LAMA4: variants seen among roughly 807,000 people sequenced by gnomAD.
LAMA4 encodes the protein laminin subunit alpha 4.
LAMA4 carries 127 observed loss-of-function variants against 207.1 expected under a neutral mutation model. The ratio of observed to expected loss-of-function variants is 0.61; its 90% CI spans 0.53 to 0.71. LAMA4 has a LOEUF of 0.71. Ranked by LOEUF, LAMA4 falls within the 30% of genes least tolerant of loss-of-function variation. The pLI is 0.00. For missense variants in LAMA4, 2,093 were observed against 2,246.5 expected, an observed-to-expected ratio of 0.93 and a Z score of 1.38; for synonymous variants, 761 against 816.0, an observed-to-expected ratio of 0.93 and a Z score of 1.15.
intron 2 of LAMA4, among the ~76,000 whole-genome samples, chr6:112,250,505 T>C (rs1398839772): frequency 1.3e-5 from 2 of 152,178 alleles, no homozygotes; most frequent in African/African-American, 2.4e-5. Flanking sequence ...ATGACAACAA[T>C]AGCAAAACTG....
At chr6:112,200,697 C>A (rs1182218279) in intron 5 of LAMA4, among the ~76,000 whole-genome samples, 1 of 152,120 alleles carries the variant, frequency 6.6e-6, no homozygotes, top group Non-Finnish European at 1.5e-5. Flanking sequence ...GAATACTATG[C>A]AGTCATAAAA....
intron 14 of LAMA4, among the ~76,000 whole-genome samples, chr6:112,156,662 A>G (rs1239029707): frequency 6.6e-6 from 1 of 151,842 alleles, no homozygotes; most frequent in Admixed American, 6.6e-5. Context: ...TCATCACCTC[A>G]TTTGTCAGTA....
intron 30 of LAMA4, 122 bp downstream of exon 30, chr6:112,129,753 GC>G (rs1554328947): frequency 1.2e-6 from 1 of 803,852 alleles, no homozygotes; most frequent in Non-Finnish European, 2.0e-6. Context: ...GCACATAAAA[GC>G]TTTTAATTAC....
At chr6:112,136,030 C>A in intron 25 of LAMA4, 93 bp downstream of exon 25, 2 of 1,132,892 alleles carry the variant, frequency 1.8e-6, no homozygotes, top group South Asian at 2.5e-5. Context: ...GTTTATTTAC[C>A]ATCCTGCCTG....
At chr6:112,151,060 C>G (rs1554335667) in intron 16 of LAMA4, among the ~76,000 whole-genome samples, 1 of 148,050 alleles carries the variant, frequency 6.8e-6, no homozygotes, top group African/African-American at 2.6e-5. Context: ...AAAAGGCACC[C>G]TTTATAAATG....
At chr6:112,249,441 CAA>C (rs71762704) in intron 2 of LAMA4, among the ~76,000 whole-genome samples, 1,315 of 52,652 alleles carry the variant, frequency 0.025, 14 homozygotes, top group African/African-American at 0.088. Context: ...GACTCTGTTT[CAA>C]AAAAAAAAAA....
chr6:112,167,998 G>A (rs546295589), intron 12 of LAMA4, among the ~76,000 whole-genome samples: 1 of 151,990 alleles, frequency 6.6e-6, no homozygotes, highest in Non-Finnish European at 1.5e-5. Context: ...ACAAGGTCAG[G>A]AGATGGAGAC....
intron 2 of LAMA4, among the ~76,000 whole-genome samples, chr6:112,231,439 C>T (rs58986775): frequency 0.072 from 10,914 of 152,214 alleles, 1,381 homozygotes; most frequent in African/African-American, 0.25. Context: ...CAATTATTCT[C>T]AATTTAAATA....
At chr6:112,186,707 G>A (rs2301514) in intron 8 of LAMA4, 85,274 of 441,930 alleles carry the variant, frequency 0.19, 10,797 homozygotes, top group African/African-American at 0.45. Flanking sequence ...TCAATGCTGT[G>A]TAAATAGTTG....
intron 14 of LAMA4, among the ~76,000 whole-genome samples, chr6:112,156,223 C>T (rs1040687419): frequency 6.6e-6 from 1 of 152,104 alleles, no homozygotes; most frequent in Admixed American, 6.5e-5. Flanking sequence ...CACAGCCCCA[C>T]CTCAGCCCAC....
chr6:112,121,367 T>C (rs782523637), intron 32 of LAMA4, among the ~76,000 whole-genome samples: 1 of 152,216 alleles, frequency 6.6e-6, no homozygotes, highest in Non-Finnish European at 1.5e-5. Flanking sequence ...TCCTGGAAAA[T>C]ACAAAATACT....
chr6:112,144,367 C>T (rs1019214303), intron 19 of LAMA4, among the ~76,000 whole-genome samples: 2 of 152,204 alleles, frequency 1.3e-5, no homozygotes, highest in African/African-American at 4.8e-5. Context: ...AGGGGTAGGA[C>T]AGATGGGATA....
chr6:112,184,455 C>A (rs17823433), intron 9 of LAMA4, among the ~76,000 whole-genome samples: 12,234 of 152,144 alleles, frequency 0.08, 730 homozygotes, highest in South Asian at 0.15. Context: ...CGTTGAATAG[C>A]CTTTCACATT....
Position 112,111,071 on chromosome 6 carries a change from C to T in LAMA4, c.5327-1489G>A, listed in dbSNP as rs587670231. ...TTATTATTATTTTGAGACAGAGTCT[C>T]ACTTTGTGGCCCAGGCTAGAGTGCA... is the stretch of plus-strand genomic sequence containing the variant. On this transcript the variant is annotated intron_variant, in intron 38 of 38. Coordinates refer to ENST00000230538, the MANE Select transcript of LAMA4 (RefSeq NM_001105206.3). 3.3e-5 allele frequency among the ~76,000 whole-genome samples: 5 copies of T among 152,254 alleles called. No homozygotes were observed. In the South Asian group the frequency reaches 6.2e-4, roughly 19 times the overall value.
At chr6:112,214,359 C>T (rs1554357922) in intron 3 of LAMA4, among the ~76,000 whole-genome samples, 1 of 152,108 alleles carries the variant, frequency 6.6e-6, no homozygotes, top group African/African-American at 2.4e-5. Context: ...GCTGGGATTA[C>T]AGGTGTGAGC....
intron 21 of LAMA4, 82 bp downstream of exon 21, chr6:112,141,276 G>C: frequency 8.3e-7 from 1 of 1,202,156 alleles, no homozygotes; most frequent in Middle Eastern, 1.9e-4. Context: ...GTATGTGTGT[G>C]TGTGTGTGCA....
At position 112,216,429 on chromosome 6, in the gene LAMA4, C is replaced by T; in HGVS notation, c.236G>A (p.Cys79Tyr). 1 of 1,614,094 alleles carries T rather than the reference C, an allele frequency of 6.2e-7. No individual in the cohort carries two copies. The highest frequency in any genetic ancestry group is 1.1e-5 in the South Asian group (1 of 91,086). ...ATTGCCATTACAGTCGCAGGGCACA[C>T]ATTCTCCCGACAGGGTGTGAAAGAA... The part of the protein sequence containing the change: ...AGFFHTLSGE[C>Y]VPCDCNGNSN... The change falls in exon 3 of 39, where the codon TGT becomes TAT. Residue 79 changes from cysteine (C) to tyrosine (Y), a missense_variant. Cys to Tyr is a radical substitution (Grantham distance 194). This residue lies in a region of LAMA4 where 1,704 missense variants were observed against 1,788.4 expected (regional missense o/e 0.95). Transcript: ENST00000230538.
intron 2 of LAMA4, among the ~76,000 whole-genome samples, chr6:112,224,875 C>T (rs1298797783): frequency 4.1e-5 from 6 of 147,618 alleles, no homozygotes; most frequent in Middle Eastern, 3.3e-3. Context: ...GAAGTTCTCT[C>T]TTCTCCTGAT....
chr6:112,119,960 A>C (rs1778252962), intron 33 of LAMA4, among the ~76,000 whole-genome samples: 1 of 152,232 alleles, frequency 6.6e-6, no homozygotes, highest in African/African-American at 2.4e-5. Context: ...CAGCTTAGCC[A>C]ATAAAAGACA....
Sources: allele counts gnomAD v4.1 joint callset (sites outside exome capture counted in the v4.1 genomes callset), GRCh38; gene constraint gnomAD v4.1.1; regional missense constraint gnomAD v4.1.1; transcripts MANE v1.5; gene names NCBI Gene and HGNC (gene_info 2026-07-23, HGNC 2026-07-21).